CACNB2: variants seen among roughly 807,000 people sequenced by gnomAD.
CACNB2 encodes the protein calcium voltage-gated channel auxiliary subunit beta 2, also known as voltage-dependent L-type calcium channel subunit beta-2.
A neutral mutation model predicts 73.3 loss-of-function variants in CACNB2; 42 were observed. The observed-to-expected ratio is 0.57, with a 90% CI of 0.45 to 0.74. The LOEUF (loss-of-function observed/expected upper bound fraction) is 0.74. Ranked by LOEUF, CACNB2 falls within the 30% of genes least tolerant of loss-of-function variation. The pLI is 0.00. For synonymous variants in CACNB2, 348 were observed against 310.3 expected (o/e 1.12, Z -1.28); for missense variants, 940 against 853.0 (o/e 1.10, Z -1.27).
At chr10:18,235,156 A>AG (rs1271239298) in intron 2 of CACNB2, among the ~76,000 whole-genome samples, 4 of 139,852 alleles carry the variant, frequency 2.9e-5, no homozygotes, top group Non-Finnish European at 6.0e-5. Context: ...AAAAAAAAAA[A>AG]AAACAGTTAA....
chr10:18,335,818 CACACACAT>C (rs1396116937), intron 2 of CACNB2, among the ~76,000 whole-genome samples: 1 of 151,236 alleles, frequency 6.6e-6, no homozygotes, highest in Non-Finnish European at 1.5e-5. Context: ...CACACACACA[CACACACAT>C]ACACACACAG....
At chr10:18,228,250 C>A (rs943501814) in intron 2 of CACNB2, among the ~76,000 whole-genome samples, 1 of 151,610 alleles carries the variant, frequency 6.6e-6, no homozygotes, top group Non-Finnish European at 1.5e-5. Flanking sequence ...ATGGTGAAAC[C>A]TTGTCTCTAC....
intron 3 of CACNB2, among the ~76,000 whole-genome samples, chr10:18,495,220 C>CT (rs755228257): frequency 1.3e-3 from 178 of 137,272 alleles, no homozygotes; most frequent in South Asian, 4.0e-3. Flanking sequence ...TTGAGGGAGT[C>CT]TTTTTTTTTT....
intron 3 of CACNB2, among the ~76,000 whole-genome samples, chr10:18,496,964 A>G (rs954400410): frequency 5.3e-5 from 8 of 151,868 alleles, no homozygotes; most frequent in African/African-American, 1.9e-4. Flanking sequence ...TAATCCCAGC[A>G]CTTTGGGAGG....
At chr10:18,234,637 T>C (rs925508294) in intron 2 of CACNB2, among the ~76,000 whole-genome samples, 5 of 152,216 alleles carry the variant, frequency 3.3e-5, no homozygotes, top group African/African-American at 1.2e-4. Flanking sequence ...TATGGCTTGA[T>C]TCCATTTACT....
At chr10:18,260,912 C>A in intron 2 of CACNB2, 1 of 1,142,408 alleles carries the variant, frequency 8.8e-7, no homozygotes, top group South Asian at 2.5e-5. Flanking sequence ...ACTGTAAAAG[C>A]GTCACCAAGA....
chr10:18,383,817 C>T (rs1335796953), intron 2 of CACNB2, among the ~76,000 whole-genome samples: 1 of 152,068 alleles, frequency 6.6e-6, no homozygotes, highest in Admixed American at 6.5e-5. Flanking sequence ...GCGATTCTCC[C>T]GCCTCAGCCT....
chr10:18,285,513 A>G (rs1267004121), intron 2 of CACNB2, among the ~76,000 whole-genome samples: 1 of 152,240 alleles, frequency 6.6e-6, no homozygotes, highest in Non-Finnish European at 1.5e-5. Context: ...GGCTTGAATA[A>G]GGCTTCACAT....
intron 7 of CACNB2, among the ~76,000 whole-genome samples, chr10:18,517,843 T>C (rs1472421669): frequency 6.6e-6 from 1 of 152,324 alleles, no homozygotes; most frequent in East Asian, 1.9e-4. Context: ...GTGAGAGTTA[T>C]AATATTTTGA....
intron 5 of CACNB2, among the ~76,000 whole-genome samples, chr10:18,504,388 T>C (rs2050374842): frequency 6.6e-6 from 1 of 152,136 alleles, no homozygotes; most frequent in Non-Finnish European, 1.5e-5. Context: ...CAGATGGTTA[T>C]TGCCATCTGT....
At chr10:18,356,694 G>A (rs1375144665) in intron 2 of CACNB2, among the ~76,000 whole-genome samples, 1 of 151,500 alleles carries the variant, frequency 6.6e-6, no homozygotes, top group Non-Finnish European at 1.5e-5. Context: ...GCACTGACAT[G>A]ATTGCAGCTC....
intron 2 of CACNB2, among the ~76,000 whole-genome samples, chr10:18,252,728 A>G (rs1034559903): frequency 6.6e-6 from 1 of 152,230 alleles, no homozygotes; most frequent in African/African-American, 2.4e-5. Flanking sequence ...ATAAGAAGAT[A>G]CTTGTGGCAT....
chr10:18,411,506 ATTT>A (rs72400253), intron 3 of CACNB2, among the ~76,000 whole-genome samples: 20,284 of 125,388 alleles, frequency 0.16, 1,914 homozygotes, highest in African/African-American at 0.33. Context: ...GTCTTTGAGC[ATTT>A]TTTTTTTTTT....
At chr10:18,326,975 C>T (rs940003930) in intron 2 of CACNB2, among the ~76,000 whole-genome samples, 1 of 152,126 alleles carries the variant, frequency 6.6e-6, no homozygotes, top group African/African-American at 2.4e-5. Context: ...GTGATCCGCC[C>T]ACCTCAACCT....
chr10:18,400,516 T>C lies in CACNB2; in HGVS notation c.214-1408T>C, dbSNP rs930052244. 3.2e-6 allele frequency: 3 copies of C among 933,570 alleles called. No individual in the cohort carries two copies. The African/African-American group carries it at 5.4e-5, about 17-fold the overall frequency. 57.8% of individuals were successfully genotyped at this position (933,570 alleles called of 1,614,324 possible). A position where few individuals can be genotyped will look rare whatever the true frequency, so the allele number is the denominator to read the frequency against. Reference sequence around the variant, plus strand: ...TGAGCATCTGCGTAAAAAGGCGACATATGGAGCATGCCCAGTGTGGGAGTG... The same window carrying C: ...TGAGCATCTGCGTAAAAAGGCGACACATGGAGCATGCCCAGTGTGGGAGTG... On this transcript the variant is annotated intron_variant, in intron 2 of 13. Transcript: ENST00000324631.
At chr10:18,366,733 C>T (rs544208852) in intron 2 of CACNB2, among the ~76,000 whole-genome samples, 1 of 150,420 alleles carries the variant, frequency 6.6e-6, no homozygotes, top group African/African-American at 2.5e-5. Context: ...GAGGTTGCAG[C>T]GAGCGGACAT....
chr10:18,532,116 T>C (rs2053091307), intron 10 of CACNB2, among the ~76,000 whole-genome samples: 1 of 152,234 alleles, frequency 6.6e-6, no homozygotes, highest in South Asian at 2.1e-4. Flanking sequence ...ATTTTTACTT[T>C]GAAGTCAAAA....
chr10:18,204,069 G>A (rs1405474039), intron 2 of CACNB2, among the ~76,000 whole-genome samples: 1 of 152,128 alleles, frequency 6.6e-6, no homozygotes, highest in Non-Finnish European at 1.5e-5. Context: ...GAGAAAAAAC[G>A]TTTAATTTTA....
rs78789946 is a variant in CACNB2, at chr10:18,374,672, A to G, written c.214-27252A>G. The stretch of plus-strand genomic sequence containing the variant: ...CCTAGATAGGCTTTTTGTATTCTCC[A>G]CAGTAGTTCAACACTCTGCATGATG... On this transcript the variant is annotated intron_variant, in intron 2 of 13. Transcript: ENST00000324631. Among the ~76,000 whole-genome samples, 853 of 152,298 alleles carry G rather than the reference A, an allele frequency of 5.6e-3. 15 individuals are homozygous for G. Among genetic ancestry groups the G allele is most frequent in the African/African-American group, 0.02 (811 of 41,552 alleles).
Sources: gnomAD v4.1 joint callset for allele counts (sites outside exome capture counted in the v4.1 genomes callset) on GRCh38, gnomAD v4.1.1 for gene constraint, MANE v1.5 for transcripts, NCBI Gene and HGNC (gene_info 2026-07-23, HGNC 2026-07-21) for gene names.